The following LDHA variants were observed in gnomAD, a reference collection of about 807,000 sequenced individuals.
LDHA encodes the protein L-lactate dehydrogenase A chain.
LDHA carries 10 observed loss-of-function variants against 36.3 expected under a neutral mutation model. That is an observed-to-expected ratio of 0.28 (90% CI 0.17 to 0.47). The LOEUF is 0.47. LDHA is among the 20% of genes least tolerant of loss of function. The pLI, the probability that LDHA is intolerant of heterozygous loss-of-function variation, is 0.99. For missense variants in LDHA, 267 were observed against 405.8 expected (o/e 0.66, Z 2.94); for synonymous variants, 110 against 136.7 (o/e 0.80, Z 1.36).
intron 1 of LDHA, among the ~76,000 whole-genome samples, chr11:18,396,108 T>A (rs1027588032): frequency 6.6e-6 from 1 of 152,272 alleles, no homozygotes; most frequent in South Asian, 2.1e-4. Context: ...TAGCTCCAGA[T>A]TGCCTCTGCT....
rs192588330 is a variant in LDHA at position 18,398,034 on chromosome 11, T to A, written c.126+1066T>A. ...ACTAGATGAGAAATTGATGCTGTTT[T>A]CCCCACACCTACAAACCGCCTATGT... On this transcript the variant is annotated intron_variant, in intron 2 of 7. Transcript: ENST00000422447. Among the ~76,000 whole-genome samples, 393 of 152,308 alleles carry A rather than the reference T, an allele frequency of 2.6e-3. 3 individuals are homozygous for A. The highest frequency in any genetic ancestry group is 8.8e-3 in the African/African-American group (364 of 41,568).
chr11:18,399,714 C>G (rs1866414686), intron 3 of LDHA, 166 bp downstream of exon 3: 1 of 657,836 alleles, frequency 1.5e-6, no homozygotes, highest in African/African-American at 1.8e-5. Flanking sequence ...ACCCCCTCCC[C>G]CTCACAAAGA....
intron 7 of LDHA, 113 bp from the exon 8 acceptor site, chr11:18,407,004 T>C: frequency 1.5e-6 from 1 of 675,222 alleles, no homozygotes; most frequent in South Asian, 2.0e-5. Flanking sequence ...AGACTCTGCC[T>C]CAAAAAAAAA....
intron 2 of LDHA, 91 bp from the exon 3 acceptor site, chr11:18,399,340 T>A: frequency 2.2e-6 from 2 of 902,034 alleles, no homozygotes; most frequent in Admixed American, 1.8e-5. Context: ...AACAGAACTC[T>A]CCTATGCCAG....
At chr11:18,403,116 G>A (rs1866562692) in intron 5 of LDHA, 103 bp downstream of exon 5, 1 of 941,228 alleles carries the variant, frequency 1.1e-6, no homozygotes, top group Admixed American at 2.4e-5. Flanking sequence ...CATTCAGTAG[G>A]ATGGAATGGT....
intron 1 of LDHA, 119 bp from the exon 2 acceptor site, chr11:18,396,700 C>T (rs746907181): frequency 7.4e-7 from 1 of 1,354,098 alleles, no homozygotes; most frequent in Non-Finnish European, 1.0e-6. Flanking sequence ...CCTTTTTAGT[C>T]ATCTCTAGTG....
At chr11:18,402,385 C>T (rs1866539926) in intron 4 of LDHA, 1 of 174,770 alleles carries the variant, frequency 5.7e-6, no homozygotes, top group African/African-American at 2.4e-5. Context: ...CTTTGACCTA[C>T]TAGGCTCAGG....
chr11:18,401,381 C>T (rs1259287939), intron 4 of LDHA, among the ~76,000 whole-genome samples: 2 of 151,106 alleles, frequency 1.3e-5, no homozygotes, highest in South Asian at 2.1e-4. Context: ...GAACTCCTGG[C>T]CTCAAGCAGT....
At position 18,407,109 on chromosome 11, in the gene LDHA, ATC is replaced by A; in HGVS notation, c.835-6_835-5del. 1.4e-6 allele frequency: 2 copies of A among 1,405,416 alleles called. No individual in the cohort carries two copies. The highest frequency in any genetic ancestry group is 4.7e-5 in the Admixed American group (2 of 42,710). The allele number at this position is 1,405,416 out of a possible 1,614,324, so 87.1% of individuals were successfully genotyped here. On this transcript the variant is annotated splice_polypyrimidine_tract_variant and splice_region_variant and intron_variant, in intron 7 of 7. Coordinates refer to ENST00000422447, the MANE Select transcript of LDHA (RefSeq NM_005566.4). ...TGTGAGATTTTTTTTTTTTCATTTC[ATC>A]TTCAGGGTCTTTACGGAATAAAGGA... is the stretch of plus-strand genomic sequence containing the variant.
chr11:18,405,611 T>C, intron 7 of LDHA, 39 bp downstream of exon 7: 2 of 1,608,048 alleles, frequency 1.2e-6, no homozygotes, highest in Non-Finnish European at 1.7e-6. Flanking sequence ...TGAATGCTTT[T>C]TGCTGGCTTT....
rs201299537 is a variant in LDHA, at chr11:18,400,818, T to G, written c.245-19T>G. ...TATTCTAAAGGCCTTAATCTGGTCA[T>G]TATTCCCCTTTTCTCTAGACTATAA... On this transcript the variant is annotated intron_variant, in intron 3 of 7. Transcript: ENST00000422447. 1 of 1,609,220 alleles carries G rather than the reference T, an allele frequency of 6.2e-7. No homozygotes were observed. Among genetic ancestry groups the G allele is most frequent in the Admixed American group, 1.7e-5 (1 of 59,974 alleles).
rs538097303 is a variant in LDHA, at chr11:18,401,720, G to A, written c.418+710G>A. ...TCTCGATCTCCTGACCTCGTGATCTGCCCGCCTTGGCCTCCCAAAGTGCTG... is the reference window on the plus strand; with the variant it reads ...TCTCGATCTCCTGACCTCGTGATCTACCCGCCTTGGCCTCCCAAAGTGCTG... On this transcript the variant is annotated intron_variant, in intron 4 of 7. Transcript: ENST00000422447. Among the ~76,000 whole-genome samples the A allele has an allele frequency of 6.2e-5, 9 of 145,040 alleles. No individual in the cohort carries two copies. In the South Asian group the frequency reaches 1.5e-3, roughly 25 times the overall value.
rs1866265283 is a variant in LDHA at position 18,395,535 on chromosome 11, C to T, written c.-25+899C>T. Among the ~76,000 whole-genome samples the T allele has an allele frequency of 2.0e-5, 3 of 152,158 alleles. No individual in the cohort carries two copies. In the South Asian group the frequency reaches 6.2e-4, roughly 32 times the overall value. ...AGCAGGTGTCCGCAGGAACTCCCTT[C>T]CCCCTGCCAGGCTAGAAACCTTACA... is the stretch of plus-strand genomic sequence containing the variant. On this transcript the variant is annotated intron_variant, in intron 1 of 7. Transcript: ENST00000422447.
At position 18,401,955 on chromosome 11, in the gene LDHA, C is replaced by CTCTCTTTTTTTTTT. The variant is rs59534512; in HGVS notation, c.419-884_419-883insCTCTTTTTTTTTTT. Reference sequence around the variant, plus strand: ...TAAGTTTGTGAATAATTGTTATTCTCTTTTTTTTTTTTTTTTTTTTTGAGA... The same window carrying CTCTCTTTTTTTTTT: ...TAAGTTTGTGAATAATTGTTATTCTCTCTCTTTTTTTTTTTTTTTTTTTTTTTTTTTTTTTGAGA... On this transcript the variant is annotated intron_variant, in intron 4 of 7. Coordinates refer to ENST00000422447, the MANE Select transcript of LDHA (RefSeq NM_005566.4). Among the ~76,000 whole-genome samples, 57 of 52,260 alleles carry CTCTCTTTTTTTTTT rather than the reference C, an allele frequency of 1.1e-3. 10 individuals carry two copies. The highest frequency in any genetic ancestry group is 6.2e-3 in the East Asian group (11 of 1,766). The allele number at this position is 52,260 out of a possible 152,430, so 34.3% of individuals were successfully genotyped here.
Position 18,396,977 on chromosome 11 carries a change from G to A in LDHA, c.126+9G>A. 6.2e-7 allele frequency: 1 copy of A among 1,613,946 alleles called. No individual in the cohort carries two copies. ...TCAGTATCTTAATGAAGGTAAGTGA[G>A]AGTCTACCACACTGGAAGCCCATAC... On this transcript the variant is annotated intron_variant, in intron 2 of 7. Coordinates refer to ENST00000422447, the MANE Select transcript of LDHA (RefSeq NM_005566.4).
At chr11:18,396,190 CT>C in intron 1 of LDHA, 1 of 224,212 alleles carries the variant, frequency 4.5e-6, no homozygotes, top group Non-Finnish European at 8.6e-6. Context: ...GGCCGCTAGA[CT>C]AATCGGCTTC....
rs146351449 is a variant in LDHA, at chr11:18,397,025, A to C, written c.126+57A>C. ...TACCTTGACCCCATCCTCTACCCCCACTCCTACCCCTAGAACTGTATTATT... is the reference window on the plus strand; with the variant it reads ...TACCTTGACCCCATCCTCTACCCCCCCTCCTACCCCTAGAACTGTATTATT... On this transcript the variant is annotated intron_variant, in intron 2 of 7. Transcript: ENST00000422447. The C allele has an allele frequency of 1.8e-5, 26 of 1,437,912 alleles. No individual in the cohort carries two copies. In the African/African-American group the frequency reaches 3.5e-4, roughly 19 times the overall value. 89.1% of individuals were successfully genotyped at this position (1,437,912 alleles called of 1,614,324 possible).
chr11:18,405,750 G>C, intron 7 of LDHA, 178 bp downstream of exon 7: 1 of 649,544 alleles, frequency 1.5e-6, no homozygotes, highest in East Asian at 3.1e-5. Context: ...ATGTCCATTA[G>C]GCCTGTTCAA....
At chr11:18,403,648 T>C (rs1866575496) in intron 5 of LDHA, 46 bp from the exon 6 acceptor site, 2 of 1,140,794 alleles carry the variant, frequency 1.8e-6, no homozygotes, top group Non-Finnish European at 2.7e-6. Context: ...CAATTACTAA[T>C]CTGTTGGTAC....
Sources: gnomAD v4.1 joint callset for allele counts (sites outside exome capture counted in the v4.1 genomes callset) on GRCh38, gnomAD v4.1.1 for gene constraint, MANE v1.5 for transcripts, NCBI Gene and HGNC (gene_info 2026-07-23, HGNC 2026-07-21) for gene names.